Variants in CCSER1 observed in about 807,000 individuals in gnomAD.
The protein encoded by CCSER1 is serine-rich coiled-coil domain-containing protein 1.
A neutral mutation model predicts 82.0 loss-of-function variants in CCSER1; 41 were observed. The observed-to-expected ratio is 0.50, with a 90% CI of 0.39 to 0.65. The LOEUF is 0.65. Ranked by LOEUF, CCSER1 falls within the 30% of genes least tolerant of loss-of-function variation. The pLI is 0.00. For synonymous variants in CCSER1, 414 were observed against 383.9 expected (o/e 1.08, Z -0.92); for missense variants, 1,119 against 1,064.2 (o/e 1.05, Z -0.72).
chr4:90,972,333 A>G (rs937272214), intron 9 of CCSER1, among the ~76,000 whole-genome samples: 3 of 151,808 alleles, frequency 2.0e-5, no homozygotes, highest in South Asian at 2.1e-4. Context: ...ACATATATCA[A>G]ATTACTTTGT....
intron 10 of CCSER1, among the ~76,000 whole-genome samples, chr4:91,180,939 G>A (rs1297727626): frequency 2.2e-5 from 3 of 136,726 alleles, no homozygotes; most frequent in Non-Finnish European, 4.9e-5. Context: ...GCAATAGATT[G>A]GGCTAGTTAA....
Position 90,732,855 on chromosome 4 carries a change from T to C in CCSER1, c.2010+8864T>C, listed in dbSNP as rs1263338599. Among the ~76,000 whole-genome samples, 3 of 152,352 alleles carry C rather than the reference T, an allele frequency of 2.0e-5. No individual in the cohort carries two copies. The South Asian group carries it at 6.2e-4, about 32-fold the overall frequency. On this transcript the variant is annotated intron_variant, in intron 7 of 10. Coordinates refer to ENST00000509176, the MANE Select transcript of CCSER1 (RefSeq NM_001145065.2). ...GCTCCATCCCTGTTGTTACAAATGA[T>C]AGCATCTAATTCTTTTTTATGGCTG...
chr4:91,288,872 C>G (rs955111370), intron 10 of CCSER1, among the ~76,000 whole-genome samples: 2 of 151,990 alleles, frequency 1.3e-5, no homozygotes, highest in Non-Finnish European at 2.9e-5. Flanking sequence ...ACATCAGTGA[C>G]AGCCAGGAAC....
At chr4:90,941,222 G>A (rs1340335942) in intron 9 of CCSER1, among the ~76,000 whole-genome samples, 15 of 152,020 alleles carry the variant, frequency 9.9e-5, no homozygotes, top group Non-Finnish European at 2.9e-5. Context: ...CAATGACTAT[G>A]AACATATTTT....
intron 10 of CCSER1, among the ~76,000 whole-genome samples, chr4:91,315,183 G>A (rs866290527): frequency 1.5e-4 from 23 of 151,442 alleles, no homozygotes; most frequent in Middle Eastern, 6.9e-3. Context: ...GTGTGTGTAA[G>A]TGTGTAATTA....
intron 10 of CCSER1, among the ~76,000 whole-genome samples, chr4:91,338,400 C>T (rs541856270): frequency 4.6e-5 from 7 of 152,168 alleles, no homozygotes; most frequent in African/African-American, 1.4e-4. Context: ...TCCCTTGGGG[C>T]GTGACTTCTG....
At chr4:90,693,763 T>C (rs1031470847) in intron 6 of CCSER1, among the ~76,000 whole-genome samples, 1 of 151,950 alleles carries the variant, frequency 6.6e-6, no homozygotes, top group Non-Finnish European at 1.5e-5. Context: ...TTTTCAATTC[T>C]CTAATTTTTG....
At chr4:90,606,614 T>C (rs1784745030) in intron 5 of CCSER1, among the ~76,000 whole-genome samples, 1 of 152,186 alleles carries the variant, frequency 6.6e-6, no homozygotes, top group Admixed American at 6.5e-5. Context: ...ATATGTACTG[T>C]GAAAAATTTA....
intron 10 of CCSER1, among the ~76,000 whole-genome samples, chr4:91,167,185 C>CTTTTT (rs55920118): frequency 5.8e-5 from 7 of 121,518 alleles, no homozygotes; most frequent in Non-Finnish European, 9.8e-5. Context: ...AATTGCAATA[C>CTTTTT]TTTTTTTTTT....
chr4:91,111,586 A>T (rs1046793839), intron 10 of CCSER1, among the ~76,000 whole-genome samples: 3 of 151,958 alleles, frequency 2.0e-5, no homozygotes, highest in African/African-American at 7.2e-5. Context: ...AAAAGGGAGT[A>T]ATTTGAATTT....
chr4:90,722,570 C>G (rs1580149780), intron 6 of CCSER1, among the ~76,000 whole-genome samples: 2 of 151,862 alleles, frequency 1.3e-5, no homozygotes, highest in African/African-American at 4.8e-5. Context: ...CAATAACTAA[C>G]TCACTTCAAT....
chr4:90,844,722 A>G (rs1041404275), intron 8 of CCSER1, among the ~76,000 whole-genome samples: 2 of 152,062 alleles, frequency 1.3e-5, no homozygotes, highest in African/African-American at 2.4e-5. Context: ...CATACCTTCT[A>G]ATACATGATA....
At chr4:91,585,923 C>T (rs1763968441) in intron 10 of CCSER1, among the ~76,000 whole-genome samples, 1 of 151,552 alleles carries the variant, frequency 6.6e-6, no homozygotes, top group Non-Finnish European at 1.5e-5. Context: ...AGGTCAATGG[C>T]ATGATTAAAT....
Position 91,433,865 on chromosome 4 carries a change from G to A in CCSER1, c.2218-164707G>A, listed in dbSNP as rs113515604. ...AGCCTAGAAAATGGTAGACACTTAAGCATCTACTTACTAAATAATAAATCA... is the reference window on the plus strand; with the variant it reads ...AGCCTAGAAAATGGTAGACACTTAAACATCTACTTACTAAATAATAAATCA... On this transcript the variant is annotated intron_variant, in intron 10 of 10. Coordinates refer to ENST00000509176, the MANE Select transcript of CCSER1 (RefSeq NM_001145065.2). Among the ~76,000 whole-genome samples the A allele has an allele frequency of 6.0e-4, 92 of 152,324 alleles. 2 individuals carry two copies. The highest frequency in any genetic ancestry group is 3.9e-3 in the South Asian group (19 of 4,832).
At position 90,815,635 on chromosome 4, in the gene CCSER1, C is replaced by T. The variant is rs184890891; in HGVS notation, c.2011-127C>T. Reference sequence around the variant, plus strand: ...AGAATATATTATGAAAAATATCATACTATAGAGGGAATTTGAGTTTCGTTA... The same window carrying T: ...AGAATATATTATGAAAAATATCATATTATAGAGGGAATTTGAGTTTCGTTA... On this transcript the variant is annotated intron_variant, in intron 7 of 10. Coordinates refer to ENST00000509176, the MANE Select transcript of CCSER1 (RefSeq NM_001145065.2). 1.4e-3 allele frequency: 822 copies of T among 589,738 alleles called. 5 individuals are homozygous for T. Among genetic ancestry groups the T allele is most frequent in the African/African-American group, 0.014 (735 of 53,778 alleles). The allele number at this position is 589,738 out of a possible 1,614,324, so 36.5% of individuals were successfully genotyped here. A position where few individuals can be genotyped will look rare whatever the true frequency, so the allele number is the denominator to read the frequency against.
rs187928615 is a variant in CCSER1, at chr4:90,396,962, G to T, written c.1510-3074G>T. The stretch of plus-strand genomic sequence containing the variant: ...GGCAAAAGGACTGTTGCTGCTATTG[G>T]TGACTGTTGCTGCTATTGGTGTCTT... On this transcript the variant is annotated intron_variant, in intron 3 of 10. Transcript: ENST00000509176. Among the ~76,000 whole-genome samples, 470 of 133,206 alleles carry T rather than the reference G, an allele frequency of 3.5e-3. 2 individuals are homozygous for T. The highest frequency in any genetic ancestry group is 0.015 in the African/African-American group (453 of 30,410). The allele number at this position is 133,206 out of a possible 152,430, so 87.4% of individuals were successfully genotyped here. A position where few individuals can be genotyped will look rare whatever the true frequency, so the allele number is the denominator to read the frequency against.
chr4:90,540,063 T>G lies in CCSER1; in HGVS notation c.1724+71709T>G, dbSNP rs931115704. Among the ~76,000 whole-genome samples the G allele has an allele frequency of 2.6e-5, 4 of 152,120 alleles. No homozygotes were observed. In the East Asian group the frequency reaches 7.7e-4, roughly 29 times the overall value. Reference sequence around the variant, plus strand: ...ATAAGGAACGGAGCAAATTAGTTTGTGCAGTTAGATTTTGAGTAATTTCAG... The same window carrying G: ...ATAAGGAACGGAGCAAATTAGTTTGGGCAGTTAGATTTTGAGTAATTTCAG... On this transcript the variant is annotated intron_variant, in intron 5 of 10. Transcript: ENST00000509176.
At chr4:90,839,225 A>G in intron 8 of CCSER1, among the ~76,000 whole-genome samples, 1 of 152,230 alleles carries the variant, frequency 6.6e-6, no homozygotes, top group East Asian at 1.9e-4. Context: ...GAGAATCTAA[A>G]CAAATACAAA....
chr4:90,769,090 A>AG (rs1255485238), intron 7 of CCSER1, among the ~76,000 whole-genome samples: 1 of 152,222 alleles, frequency 6.6e-6, no homozygotes, highest in Non-Finnish European at 1.5e-5. Context: ...AAGCCCTTAA[A>AG]GAGATTAAGA....
Sources: allele counts gnomAD v4.1 joint callset (sites outside exome capture counted in the v4.1 genomes callset), GRCh38; gene constraint gnomAD v4.1.1; transcripts MANE v1.5; gene names NCBI Gene and HGNC (gene_info 2026-07-23, HGNC 2026-07-21).